The following ATAD2B variants were observed in gnomAD, a reference collection of about 807,000 sequenced individuals.
The protein encoded by ATAD2B is ATPase family AAA domain-containing protein 2B.
A neutral mutation model predicts 167.6 loss-of-function variants in ATAD2B; 40 were observed. That is an observed-to-expected ratio of 0.24 (90% CI 0.19 to 0.31). ATAD2B has a LOEUF of 0.31. Among genes scored for constraint, ATAD2B ranks in the 10% least tolerant of loss-of-function variants. The pLI is 1.00. For synonymous variants in ATAD2B, 579 were observed against 596.5 expected, an observed-to-expected ratio of 0.97 and a Z score of 0.43; for missense variants, 1,242 against 1,757.2, an observed-to-expected ratio of 0.71 and a Z score of 5.24.
At chr2:23,783,961 G>GT (rs907690152) in intron 21 of ATAD2B, among the ~76,000 whole-genome samples, 5 of 151,922 alleles carry the variant, frequency 3.3e-5, no homozygotes, top group African/African-American at 9.7e-5. Flanking sequence ...TAATTTATAT[G>GT]TTTTTTAATG....
intron 1 of ATAD2B, among the ~76,000 whole-genome samples, chr2:23,920,419 CTG>C (rs1703740014): frequency 6.6e-6 from 1 of 152,200 alleles, no homozygotes; most frequent in Non-Finnish European, 1.5e-5. Flanking sequence ...AGGGTAAAAA[CTG>C]TGTTTTATTT....
At chr2:23,888,075 T>TTTTAAAAG in intron 3 of ATAD2B, 90 bp from the exon 4 acceptor site, 1 of 1,114,576 alleles carries the variant, frequency 9.0e-7, no homozygotes, top group Non-Finnish European at 1.2e-6. Flanking sequence ...TTTAAAAGAC[T>TTTTAAAAG]ACAAAAAATT....
At chr2:23,877,775 A>C (rs1283774986) in intron 7 of ATAD2B, among the ~76,000 whole-genome samples, 1 of 149,562 alleles carries the variant, frequency 6.7e-6, no homozygotes, top group Non-Finnish European at 1.5e-5. Flanking sequence ...CAGGAGAATC[A>C]CTTGAACCAG....
intron 19 of ATAD2B, among the ~76,000 whole-genome samples, chr2:23,790,165 A>C (rs1681437053): frequency 6.6e-6 from 1 of 152,180 alleles, no homozygotes; most frequent in Non-Finnish European, 1.5e-5. Context: ...TTGTATGTCA[A>C]ACATCATGCC....
chr2:23,908,432 G>A (rs374019566), intron 1 of ATAD2B, among the ~76,000 whole-genome samples: 156 of 152,262 alleles, frequency 1.0e-3, no homozygotes, highest in African/African-American at 3.4e-3. Flanking sequence ...CAAAACCACA[G>A]TGAGATACCA....
chr2:23,795,625 A>C (rs1206320891), intron 19 of ATAD2B, among the ~76,000 whole-genome samples: 3 of 152,200 alleles, frequency 2.0e-5, no homozygotes, highest in Non-Finnish European at 4.4e-5. Flanking sequence ...TCACCCCTGT[A>C]ATCCTAGCAC....
At chr2:23,921,185 TAC>T (rs1486894219) in intron 1 of ATAD2B, among the ~76,000 whole-genome samples, 1 of 100,436 alleles carries the variant, frequency 1.0e-5, no homozygotes, top group Admixed American at 1.7e-4. Flanking sequence ...CAGCCTGAGC[TAC>T]AGAGTAAGAC....
intron 1 of ATAD2B, among the ~76,000 whole-genome samples, chr2:23,908,789 A>G (rs1701837005): frequency 6.6e-6 from 1 of 152,094 alleles, no homozygotes; most frequent in Non-Finnish European, 1.5e-5. Flanking sequence ...CATATACACC[A>G]TGGAATACTA....
chr2:23,843,892 T>C (rs975613970), intron 13 of ATAD2B, among the ~76,000 whole-genome samples: 1 of 152,084 alleles, frequency 6.6e-6, no homozygotes, highest in African/African-American at 2.4e-5. Context: ...AGGGAATAAT[T>C]AGTCCTACAC....
At chr2:23,884,003 A>G (rs1366592971) in intron 6 of ATAD2B, among the ~76,000 whole-genome samples, 1 of 152,012 alleles carries the variant, frequency 6.6e-6, no homozygotes, top group Non-Finnish European at 1.5e-5. Flanking sequence ...AATTAGCCAG[A>G]CATGGTGGTG....
At chr2:23,738,400 T>C in the ATAD2B span, among the ~76,000 whole-genome samples, 1 of 152,204 alleles carries the variant, frequency 6.6e-6, no homozygotes, top group African/African-American at 2.4e-5. Flanking sequence ...ATATTCAACA[T>C]TCTTAAAGAA....
intron 5 of ATAD2B, among the ~76,000 whole-genome samples, 170 bp from the exon 6 acceptor site, chr2:23,885,043 G>A (rs1245430592): frequency 6.6e-6 from 1 of 151,918 alleles, no homozygotes; most frequent in Non-Finnish European, 1.5e-5. Flanking sequence ...GAAATAAAAG[G>A]GAAAACACTT....
intron 1 of ATAD2B, among the ~76,000 whole-genome samples, chr2:23,922,956 C>T (rs1268761641): frequency 6.6e-6 from 1 of 152,080 alleles, no homozygotes; most frequent in Non-Finnish European, 1.5e-5. Context: ...GAACGTTCCT[C>T]AAAAAATTAA....
the ATAD2B span, among the ~76,000 whole-genome samples, chr2:23,735,233 T>C: frequency 2.6e-5 from 4 of 152,226 alleles, no homozygotes; most frequent in Non-Finnish European, 5.9e-5. Flanking sequence ...TTTTCCAAAC[T>C]GACTTTTTGA....
intron 7 of ATAD2B, among the ~76,000 whole-genome samples, chr2:23,877,105 A>T (rs1002616400): frequency 2.0e-5 from 3 of 151,584 alleles, no homozygotes; most frequent in African/African-American, 7.3e-5. Context: ...AATTTAGCAC[A>T]ATCCATTCAA....
intron 8 of ATAD2B, among the ~76,000 whole-genome samples, chr2:23,873,910 G>C (rs1696385063): frequency 6.6e-6 from 1 of 152,228 alleles, no homozygotes; most frequent in Admixed American, 6.5e-5. Flanking sequence ...GTTGGGGCTG[G>C]GCATGGTGGC....
At chr2:23,911,976 CAA>C (rs1160482347) in intron 1 of ATAD2B, among the ~76,000 whole-genome samples, 14 of 63,152 alleles carry the variant, frequency 2.2e-4, no homozygotes, top group Non-Finnish European at 1.9e-4. Context: ...GATTCCATCT[CAA>C]AAAAAAAAAA....
chr2:23,802,228 G>A (rs1176962506), intron 18 of ATAD2B, among the ~76,000 whole-genome samples: 3 of 151,902 alleles, frequency 2.0e-5, no homozygotes, highest in African/African-American at 7.2e-5. Context: ...AAATTAAAAG[G>A]CACTAATAAA....
At chr2:23,696,439 T>C in the ATAD2B span, 2 of 1,551,064 alleles carry the variant, frequency 1.3e-6, no homozygotes, top group East Asian at 2.4e-5. This position sits in a 1 kb window ranked among gnomAD's most constrained non-coding sequence, Gnocchi z 5.5. Flanking sequence ...GTCGGCACAA[T>C]AGCCTCGTCT....
Sources: allele counts gnomAD v4.1 joint callset (sites outside exome capture counted in the v4.1 genomes callset), GRCh38; gene constraint gnomAD v4.1.1; non-coding constraint Gnocchi (gnomAD v3.1); transcripts MANE v1.5; gene names NCBI Gene and HGNC (gene_info 2026-07-23, HGNC 2026-07-21).